Variants in PAFAH1B2 observed in about 807,000 individuals in gnomAD.
PAFAH1B2 encodes the protein platelet activating factor acetylhydrolase 1b catalytic subunit 2.
A neutral mutation model predicts 28.0 loss-of-function variants in PAFAH1B2; 8 were observed. That is an observed-to-expected ratio of 0.29 (90% CI 0.17 to 0.52). The LOEUF (loss-of-function observed/expected upper bound fraction) is 0.52, where lower values mean the gene tolerates loss of function less well. Among genes scored for constraint, PAFAH1B2 ranks in the 20% least tolerant of loss-of-function variants. The pLI is 0.97. For synonymous variants in PAFAH1B2, 104 were observed against 103.2 expected (o/e 1.01, Z -0.05); for missense variants, 190 against 282.6 (o/e 0.67, Z 2.35).
downstream of PAFAH1B2, among the ~76,000 whole-genome samples, chr11:117,172,348 T>TTATTTA (rs1956666993): frequency 4.4e-5 from 4 of 91,248 alleles, no homozygotes; most frequent in African/African-American, 1.6e-4. Flanking sequence ...CATTCTAGCT[T>TTATTTA]TATATATATA....
At position 117,168,813 on chromosome 11, in the gene PAFAH1B2, G is replaced by A. The variant is rs995343549; in HGVS notation, c.*1114G>A. The A allele has an allele frequency of 1.1e-6, 1 of 919,880 alleles. No homozygotes were observed. Among genetic ancestry groups the A allele is most frequent in the African/African-American group, 1.8e-5 (1 of 56,948 alleles). The allele number at this position is 919,880 out of a possible 1,614,324, so 57.0% of individuals were successfully genotyped here. A position where few individuals can be genotyped will look rare whatever the true frequency, so the allele number is the denominator to read the frequency against. ...TTGTTTTTTGTTTTGTTTTGTTTGA[G>A]ATGGAGTTTCACTGTTGCCCAGGCT... On this transcript the variant is annotated 3_prime_UTR_variant, in exon 6 of 6. Coordinates refer to ENST00000527958, the MANE Select transcript of PAFAH1B2 (RefSeq NM_002572.4).
Position 117,168,457 on chromosome 11 carries a change from T to TTTTG in PAFAH1B2, c.*761_*762insGTTT. The TTTTG allele has an allele frequency of 1.1e-6, 1 of 921,868 alleles. No homozygotes were observed. The highest frequency in any genetic ancestry group is 2.0e-5 in the African/African-American group (1 of 50,988). The allele number at this position is 921,868 out of a possible 1,614,324, so 57.1% of individuals were successfully genotyped here. On this transcript the variant is annotated 3_prime_UTR_variant, in exon 6 of 6. Coordinates refer to ENST00000527958, the MANE Select transcript of PAFAH1B2 (RefSeq NM_002572.4). The stretch of plus-strand genomic sequence containing the variant: ...CCCCCCGCCACCCCGTTTTTTTTTT[T>TTTTG]TTTTTTTTTTTTTTGGTTCTTGTTG...
chr11:117,175,494 A>G (rs1591761696), downstream of PAFAH1B2: 3 of 1,088,352 alleles, frequency 2.8e-6, no homozygotes, highest in Non-Finnish European at 3.4e-6. Context: ...TCAAAAGTTA[A>G]GTCTTGAGAC....
intron 1 of PAFAH1B2, 123 bp downstream of exon 1, chr11:117,144,541 C>A (rs1178709286): frequency 5.7e-6 from 1 of 175,928 alleles, no homozygotes; most frequent in East Asian, 1.1e-4. Context: ...CCTCCCCCCA[C>A]GCCGCCCCAT....
At chr11:117,161,082 C>T (rs1157931822) in intron 3 of PAFAH1B2, 63 bp from the exon 4 acceptor site, 1 of 974,902 alleles carries the variant, frequency 1.0e-6, no homozygotes, top group South Asian at 1.4e-5. Flanking sequence ...CAACACATTG[C>T]AGTCGAAAGA....
chr11:117,167,653 AGTT>A lies in PAFAH1B2; in HGVS notation c.649_651del (p.Leu217del). On this transcript the variant is annotated inframe_deletion, in exon 6 of 6. Coordinates refer to ENST00000527958, the MANE Select transcript of PAFAH1B2 (RefSeq NM_002572.4). ...AAACCCCTGCATGAACTGATCATGC[AGTT>A]GTTGGAGGAAACACCTGAGGAGAAA... is the stretch of plus-strand genomic sequence containing the variant. 6.3e-7 allele frequency: 1 copy of A among 1,579,586 alleles called. No homozygotes were observed. Among genetic ancestry groups the A allele is most frequent in the Non-Finnish European group, 8.7e-7 (1 of 1,155,982 alleles).
intron 1 of PAFAH1B2, among the ~76,000 whole-genome samples, chr11:117,146,009 C>T (rs1955995763): frequency 6.6e-6 from 1 of 152,142 alleles, no homozygotes; most frequent in Non-Finnish European, 1.5e-5. Context: ...CCAGAGAACT[C>T]ACTTTAATGG....
rs1193714769 is a variant in PAFAH1B2, at chr11:117,170,006, G to A, written c.*2307G>A. 2.5e-5 allele frequency: 26 copies of A among 1,054,488 alleles called. No homozygotes were observed. Among genetic ancestry groups the A allele is most frequent in the Non-Finnish European group, 2.9e-5 (25 of 872,734 alleles). The allele number at this position is 1,054,488 out of a possible 1,614,324, so 65.3% of individuals were successfully genotyped here. A position where few individuals can be genotyped will look rare whatever the true frequency, so the allele number is the denominator to read the frequency against. On this transcript the variant is annotated 3_prime_UTR_variant, in exon 6 of 6. Transcript: ENST00000527958. ...GTTACTACATTTTATATCTACCAGAGCTATTCAAGCAATAGTATTTGAACC... is the reference window on the plus strand; with the variant it reads ...GTTACTACATTTTATATCTACCAGAACTATTCAAGCAATAGTATTTGAACC...
At chr11:117,145,336 C>G (rs1333645590) in intron 1 of PAFAH1B2, among the ~76,000 whole-genome samples, 1 of 152,160 alleles carries the variant, frequency 6.6e-6, no homozygotes. Flanking sequence ...AGAACTAACA[C>G]TCGGAGCTTT....
chr11:117,175,926 G>C (rs768292160), downstream of PAFAH1B2: 1 of 1,535,746 alleles, frequency 6.5e-7, no homozygotes, highest in South Asian at 1.2e-5. Context: ...GGCAAGATGA[G>C]CAGGATTACC....
chr11:117,152,525 T>G lies in PAFAH1B2; in HGVS notation c.78T>G (p.Ser26=), dbSNP rs374727412. 1.2e-6 allele frequency: 2 copies of G among 1,607,062 alleles called. No individual in the cohort carries two copies. Among genetic ancestry groups the G allele is most frequent in the Non-Finnish European group, 1.7e-6 (2 of 1,173,634 alleles). The change falls in exon 2 of 6, where the codon TCT becomes TCG. Residue 26 remains serine, a synonymous_variant. Coordinates refer to ENST00000527958, the MANE Select transcript of PAFAH1B2 (RefSeq NM_002572.4). Reference sequence around the variant, plus strand: ...TTCAAGGAGATGACCGATGGATGTCTCAGGTAAAAGGAAGTGCATGTGTAT... The same window carrying G: ...TTCAAGGAGATGACCGATGGATGTCGCAGGTAAAAGGAAGTGCATGTGTAT... The part of the protein sequence containing the change: ...EDIQGDDRWM[S]QHNRFVLDCK...
chr11:117,167,037 TAAAG>T (rs1212205804), intron 5 of PAFAH1B2, among the ~76,000 whole-genome samples: 1 of 152,222 alleles, frequency 6.6e-6, no homozygotes, highest in Non-Finnish European at 1.5e-5. Flanking sequence ...GACCAGTTGA[TAAAG>T]AGGAAGAGCA....
downstream of PAFAH1B2, chr11:117,175,567 G>A: frequency 8.9e-7 from 1 of 1,120,318 alleles, no homozygotes; most frequent in African/African-American, 1.6e-5. Flanking sequence ...GATATTGCCA[G>A]CGGAAAGGGA....
At chr11:117,173,851 G>GAC (rs1396891969), downstream of PAFAH1B2, among the ~76,000 whole-genome samples, 1 of 152,214 alleles carries the variant, frequency 6.6e-6, no homozygotes, top group African/African-American at 2.4e-5. Flanking sequence ...AAGAAGTGCT[G>GAC]AACTCTTGCT....
At chr11:117,151,808 G>A (rs371011100) in intron 1 of PAFAH1B2, among the ~76,000 whole-genome samples, 3 of 151,974 alleles carry the variant, frequency 2.0e-5, no homozygotes, top group South Asian at 2.1e-4. Context: ...CTGGGTTCAC[G>A]CCATTCTTCT....
chr11:117,169,852 G>A lies in PAFAH1B2; in HGVS notation c.*2153G>A. On this transcript the variant is annotated 3_prime_UTR_variant, in exon 6 of 6. Coordinates refer to ENST00000527958, the MANE Select transcript of PAFAH1B2 (RefSeq NM_002572.4). ...TTTTTCTGTTTGTCAGAAGGTGGGA[G>A]TATGGTCCAAATAAATCCATTAGGT... The A allele has an allele frequency of 4.7e-6, 5 of 1,055,364 alleles. No individual in the cohort carries two copies. Among genetic ancestry groups the A allele is most frequent in the Non-Finnish European group, 5.7e-6 (5 of 873,076 alleles). 65.4% of individuals were successfully genotyped at this position (1,055,364 alleles called of 1,614,324 possible).
chr11:117,164,841 C>T (rs1270247995), intron 5 of PAFAH1B2, among the ~76,000 whole-genome samples: 1 of 151,856 alleles, frequency 6.6e-6, no homozygotes, highest in African/African-American at 2.4e-5. Flanking sequence ...CAAGACCAGC[C>T]TGGCCAAGAT....
chr11:117,157,951 A>C (rs1401710202), intron 2 of PAFAH1B2, among the ~76,000 whole-genome samples: 1 of 152,028 alleles, frequency 6.6e-6, no homozygotes, highest in East Asian at 1.9e-4. Flanking sequence ...CAGCCTGACC[A>C]ACATGGTGAA....
downstream of PAFAH1B2, among the ~76,000 whole-genome samples, chr11:117,172,369 TATATATATATATATATATATA>T (rs1956671939): frequency 6.1e-4 from 1 of 1,642 alleles, no homozygotes; most frequent in African/African-American, 1.7e-3. Flanking sequence ...TATATATATA[TATATATATATATATATATATA>T]TATATATATA....
Sources: gnomAD v4.1 joint callset for allele counts (sites outside exome capture counted in the v4.1 genomes callset) on GRCh38, gnomAD v4.1.1 for gene constraint, MANE v1.5 for transcripts, NCBI Gene and HGNC (gene_info 2026-07-23, HGNC 2026-07-21) for gene names.